The following OPHN1 variants were observed in gnomAD, a reference collection of about 807,000 sequenced individuals.
The protein encoded by OPHN1 is oligophrenin 1.
A neutral mutation model predicts 60.7 loss-of-function variants in OPHN1; 11 were observed. The ratio of observed to expected loss-of-function variants is 0.18; its 90% CI spans 0.11 to 0.30. OPHN1 has a LOEUF of 0.30. OPHN1 is among the 10% of genes least tolerant of loss of function. The pLI is 1.00. For missense variants in OPHN1, 449 were observed against 611.0 expected, an observed-to-expected ratio of 0.73 and a Z score of 2.80; for synonymous variants, 226 against 222.6, an observed-to-expected ratio of 1.02 and a Z score of -0.14.
intron 15 of OPHN1, among the ~76,000 whole-genome samples, chrX:68,189,279 G>A (rs2768811): frequency 0.29 from 32,352 of 110,998 alleles, 3,882 homozygotes; most frequent in African/African-American, 0.46. Context: ...ACAATGGGGG[G>A]CATTTTCATT....
chrX:68,432,777 C>T, intron 2 of OPHN1, 90 bp downstream of exon 2: 1 of 1,040,935 alleles, frequency 9.6e-7, no homozygotes, highest in Non-Finnish European at 1.3e-6. Flanking sequence ...GGGAGTCACC[C>T]TGCAATCTCC....
At chrX:68,314,019 A>G (rs2078186405) in intron 2 of OPHN1, among the ~76,000 whole-genome samples, 1 of 110,928 alleles carries the variant, frequency 9.0e-6, no homozygotes, top group Admixed American at 9.6e-5. Flanking sequence ...TTTTTTAAAA[A>G]GAAATAAATG....
Position 68,129,088 on chromosome X carries a change from A to G in OPHN1, c.1277-9756T>C, listed in dbSNP as rs182165931. On this transcript the variant is annotated intron_variant, in intron 15 of 24. Coordinates refer to ENST00000355520, the MANE Select transcript of OPHN1 (RefSeq NM_002547.3). ...AGGAGATAAAATGTAAAATAAAACC[A>G]CTAAATAATACAAATAAAACATAAG... Among the ~76,000 whole-genome samples the G allele has an allele frequency of 2.5e-4, 28 of 112,341 alleles. No individual in the cohort carries two copies. The East Asian group carries it at 4.7e-3, about 19-fold the overall frequency.
chrX:68,395,866 A>G (rs780646316), intron 2 of OPHN1, among the ~76,000 whole-genome samples: 15 of 111,483 alleles, frequency 1.3e-4, no homozygotes, highest in Non-Finnish European at 2.8e-4. Context: ...GATTATAGGC[A>G]TGAGTCACCA....
chrX:68,237,177 G>T (rs1180050108), intron 5 of OPHN1, among the ~76,000 whole-genome samples: 1 of 112,058 alleles, frequency 8.9e-6, no homozygotes. Flanking sequence ...TAGACACGGG[G>T]TTTCACCATG....
chrX:68,046,325 A>G lies in OPHN1; in HGVS notation c.*847T>C, dbSNP rs2076832237. The G allele has an allele frequency of 8.9e-6, 1 of 112,455 alleles. No individual in the cohort carries two copies. The highest frequency in any genetic ancestry group is 3.2e-5 in the African/African-American group (1 of 30,963). The allele number at this position is 112,455 out of a possible 1,213,427, so 9.3% of individuals were successfully genotyped here. On this transcript the variant is annotated 3_prime_UTR_variant, in exon 25 of 25. Coordinates refer to ENST00000355520, the MANE Select transcript of OPHN1 (RefSeq NM_002547.3). ...ACAATTTTTCTAGCATTTGACCCCA[A>G]AATAGAACTCCTACAGGACCAAACA...
At chrX:68,222,337 T>G (rs2077664452) in intron 6 of OPHN1, among the ~76,000 whole-genome samples, 1 of 108,077 alleles carries the variant, frequency 9.3e-6, no homozygotes, top group Admixed American at 9.9e-5. Context: ...GGTGGGACTG[T>G]AAACTAGTTC....
At chrX:68,119,442 A>T (rs1176236662) in intron 15 of OPHN1, 110 bp from the exon 16 acceptor site, 17 of 541,496 alleles carry the variant, frequency 3.1e-5, no homozygotes, top group Non-Finnish European at 5.4e-5. Flanking sequence ...TTTTTAAGAG[A>T]TCAAAACTTT....
chrX:68,356,512 A>G (rs1227801466), intron 2 of OPHN1, among the ~76,000 whole-genome samples: 2 of 110,308 alleles, frequency 1.8e-5, no homozygotes, highest in Non-Finnish European at 3.8e-5. Context: ...TCCTGGGTTC[A>G]AGCGATTCTC....
chrX:68,422,631 A>AAAGG (rs1555986455), intron 2 of OPHN1, among the ~76,000 whole-genome samples: 4 of 97,091 alleles, frequency 4.1e-5, no homozygotes, highest in African/African-American at 1.6e-4. Context: ...AAAGAAAGAA[A>AAAGG]AAGGAAGGAA....
At chrX:68,295,544 C>T (rs1478998443) in intron 3 of OPHN1, among the ~76,000 whole-genome samples, 1 of 112,672 alleles carries the variant, frequency 8.9e-6, no homozygotes, top group Non-Finnish European at 1.9e-5. Context: ...TCTAAGCAGA[C>T]ACAAGACTTC....
At chrX:68,175,446 C>A (rs1425650795) in intron 15 of OPHN1, among the ~76,000 whole-genome samples, 1 of 110,141 alleles carries the variant, frequency 9.1e-6, no homozygotes, top group Non-Finnish European at 1.9e-5. Context: ...CTATTTAAAT[C>A]TTCGAAAAAG....
chrX:68,360,966 A>G (rs1238191044), intron 2 of OPHN1: 1 of 112,078 alleles, frequency 8.9e-6, no homozygotes, highest in Non-Finnish European at 1.9e-5. Context: ...GCTATAAGAT[A>G]CTAACACTAC....
At chrX:68,376,931 T>A (rs1443273450) in intron 2 of OPHN1, among the ~76,000 whole-genome samples, 1 of 56,276 alleles carries the variant, frequency 1.8e-5, no homozygotes, top group Non-Finnish European at 2.6e-5. Context: ...TCAAGTAATC[T>A]TTTTTTTTTT....
At chrX:68,415,398 T>C (rs2078789083) in intron 2 of OPHN1, among the ~76,000 whole-genome samples, 1 of 112,101 alleles carries the variant, frequency 8.9e-6, no homozygotes, top group Admixed American at 9.6e-5. Context: ...GTTGCTCCTG[T>C]TCATAACATT....
intron 2 of OPHN1, among the ~76,000 whole-genome samples, chrX:68,380,833 T>G (rs933472210): frequency 2.2e-4 from 24 of 111,536 alleles, no homozygotes; most frequent in East Asian, 5.6e-4. Flanking sequence ...ATTTGCTGAG[T>G]AGAGCTTTAC....
At chrX:68,210,670 C>T (rs1813324065) in intron 8 of OPHN1, among the ~76,000 whole-genome samples, 1 of 111,906 alleles carries the variant, frequency 8.9e-6, no homozygotes, top group African/African-American at 3.2e-5. Flanking sequence ...CAAATTGTGT[C>T]TCAAAGTTAC....
chrX:68,311,756 C>T (rs1004329101), intron 2 of OPHN1, among the ~76,000 whole-genome samples: 1 of 111,220 alleles, frequency 9.0e-6, no homozygotes, highest in Middle Eastern at 4.3e-3. Context: ...CTGATAAAAC[C>T]GAAGGAAGAA....
chrX:68,128,324 G>C (rs755126753), intron 15 of OPHN1, among the ~76,000 whole-genome samples: 17 of 111,266 alleles, frequency 1.5e-4, no homozygotes, highest in Non-Finnish European at 2.8e-4. Context: ...CAAAGTGCTG[G>C]GAATACAAGC....
Sources: gnomAD v4.1 joint callset for allele counts (sites outside exome capture counted in the v4.1 genomes callset) on GRCh38, gnomAD v4.1.1 for gene constraint, MANE v1.5 for transcripts, NCBI Gene and HGNC (gene_info 2026-07-23, HGNC 2026-07-21) for gene names.